HS6ST2: variants seen among roughly 807,000 people sequenced by gnomAD.
The protein encoded by HS6ST2 is heparan-sulfate 6-O-sulfotransferase 2.
A neutral mutation model predicts 33.0 loss-of-function variants in HS6ST2; 17 were observed. That is an observed-to-expected ratio of 0.52 (90% confidence interval 0.35 to 0.77). The LOEUF is 0.77. Among genes scored for constraint, HS6ST2 ranks in the 30% least tolerant of loss-of-function variants. HS6ST2 has a pLI of 0.01. For synonymous variants in HS6ST2, 248 were observed against 237.1 expected (o/e 1.05, Z -0.42); for missense variants, 519 against 551.7 (o/e 0.94, Z 0.59).
chrX:132,710,879 T>A (rs1419534558), intron 2 of HS6ST2, among the ~76,000 whole-genome samples: 2 of 110,779 alleles, frequency 1.8e-5, no homozygotes, highest in Admixed American at 9.6e-5. Context: ...CCCAACAGAG[T>A]CTTTCTCATT....
chrX:132,643,199 C>CT (rs373907912), intron 4 of HS6ST2, among the ~76,000 whole-genome samples: 193 of 106,219 alleles, frequency 1.8e-3, no homozygotes, highest in South Asian at 2.8e-3. Context: ...AGAATAGAAT[C>CT]TTTTTTTTTT....
At chrX:132,650,175 G>C (rs2063679327) in intron 4 of HS6ST2, among the ~76,000 whole-genome samples, 1 of 111,780 alleles carries the variant, frequency 8.9e-6, no homozygotes, top group Non-Finnish European at 1.9e-5. Context: ...TCCCCTAAGA[G>C]AAGTCCAGAA....
chrX:132,821,253 C>T (rs1045405427), intron 2 of HS6ST2, among the ~76,000 whole-genome samples: 6 of 101,280 alleles, frequency 5.9e-5, no homozygotes, highest in Non-Finnish European at 1.0e-4. Flanking sequence ...CTCTCTGTCG[C>T]CCAGGCTGGA....
intron 2 of HS6ST2, among the ~76,000 whole-genome samples, chrX:132,838,884 A>G (rs1048510033): frequency 9.2e-6 from 1 of 109,219 alleles, no homozygotes; most frequent in East Asian, 2.9e-4. Flanking sequence ...GCTCAAAATC[A>G]TTACTCATCA....
intron 3 of HS6ST2, among the ~76,000 whole-genome samples, chrX:132,691,395 G>A (rs963226728): frequency 2.7e-5 from 3 of 111,518 alleles, no homozygotes; most frequent in Non-Finnish European, 5.7e-5. Context: ...TCCCTTAACC[G>A]CTCTTGTCTG....
Position 132,628,479 on chromosome X carries a change from A to G in HS6ST2, c.1682T>C (p.Leu561Pro). The change falls in exon 5 of 5, where the codon CTG (leucine) becomes CCG (proline). Residue 561 changes from leucine to proline, a missense_variant. Leu to Pro is a moderately conservative substitution (Grantham distance 98). Transcript: ENST00000370833. ...ATGGGTCTGAAGGAGCCTTCCCTTC[A>G]GAAATTTGCGTTGTTCCTGACGCTT... ...RRKRQEQRKFLKGRLLQTHFQ... is the reference protein window; with the variant it reads ...RRKRQEQRKFPKGRLLQTHFQ... The G allele has an allele frequency of 8.3e-7, 1 of 1,211,094 alleles. No homozygotes were observed.
At chrX:132,752,366 G>T (rs1052486101) in intron 2 of HS6ST2, among the ~76,000 whole-genome samples, 1 of 109,017 alleles carries the variant, frequency 9.2e-6, no homozygotes, top group African/African-American at 3.4e-5. Context: ...CAACTACTTG[G>T]GTGACTGAAG....
intron 3 of HS6ST2, among the ~76,000 whole-genome samples, chrX:132,677,421 A>C (rs1163901544): frequency 1.8e-5 from 2 of 112,121 alleles, no homozygotes; most frequent in Non-Finnish European, 3.8e-5. Flanking sequence ...TGCACATTAC[A>C]TATTAACTTC....
intron 2 of HS6ST2, among the ~76,000 whole-genome samples, chrX:132,901,813 G>A (rs1196091355): frequency 9.0e-6 from 1 of 111,307 alleles, no homozygotes; most frequent in Non-Finnish European, 1.9e-5. Flanking sequence ...CAGTACACAG[G>A]ATCAAAGGCT....
chrX:132,824,847 T>G (rs1347020293), intron 2 of HS6ST2, among the ~76,000 whole-genome samples: 1 of 112,432 alleles, frequency 8.9e-6, no homozygotes, highest in Non-Finnish European at 1.9e-5. Context: ...GGACATCTGA[T>G]TTTATTGAAA....
In HS6ST2 at chrX:132,957,100, C is replaced by T. The variant is rs1343237295; in HGVS notation, c.655G>A (p.Val219Ile). 1.7e-6 allele frequency: 2 copies of T among 1,210,088 alleles called. No individual in the cohort carries two copies. Among genetic ancestry groups the T allele is most frequent in the African/African-American group, 3.5e-5 (2 of 57,207 alleles). The change falls in exon 2 of 5, where the codon GTA becomes ATA. Residue 219 changes from valine (V) to isoleucine (I), a missense_variant. Transcript: ENST00000370833. ...NFTRGDLLRKVDFDIKGDDLI... is the reference protein window; with the variant it reads ...NFTRGDLLRKIDFDIKGDDLI... ...TCATCGCCCTTGATGTCGAAGTCTA[C>T]CTTGCGCAGGAGGTCGCCGCGGGTG...
At chrX:132,919,003 A>G (rs776939653) in intron 2 of HS6ST2, among the ~76,000 whole-genome samples, 21 of 111,937 alleles carry the variant, frequency 1.9e-4, no homozygotes, top group Non-Finnish European at 3.6e-4. Flanking sequence ...TTACAAAATT[A>G]CCTTCCCAAT....
At chrX:132,920,029 G>A (rs1019811336) in intron 2 of HS6ST2, among the ~76,000 whole-genome samples, 10 of 111,739 alleles carry the variant, frequency 8.9e-5, no homozygotes, top group Middle Eastern at 4.6e-3. Flanking sequence ...TCTACCAAAT[G>A]TCAACAGAGC....
At chrX:132,868,995 A>ATC (rs2066024963) in intron 2 of HS6ST2, among the ~76,000 whole-genome samples, 1 of 104,339 alleles carries the variant, frequency 9.6e-6, no homozygotes, top group Non-Finnish European at 2.0e-5. Flanking sequence ...TCCAGGAGGT[A>ATC]TTTTTTTTTT....
At chrX:132,745,204 G>T (rs2064625718) in intron 2 of HS6ST2, among the ~76,000 whole-genome samples, 1 of 111,415 alleles carries the variant, frequency 9.0e-6, no homozygotes, top group Non-Finnish European at 1.9e-5. Context: ...TCCTGCCTCA[G>T]CCTCCTGAAT....
intron 2 of HS6ST2, among the ~76,000 whole-genome samples, chrX:132,729,738 AATGGATTAATACAT>A (rs757163293): frequency 1.8e-5 from 2 of 112,006 alleles, no homozygotes; most frequent in East Asian, 5.6e-4. Context: ...TGTTCTTTTA[AATGGATTAATACAT>A]ATTTTTGAAA....
chrX:132,793,048 CTTTTTTTTTTTTTTTTT>C (rs755535720), intron 2 of HS6ST2, among the ~76,000 whole-genome samples: 3 of 53,247 alleles, frequency 5.6e-5, no homozygotes, highest in African/African-American at 1.0e-4. Flanking sequence ...AAATAAACTC[CTTTTTTTTTTTTTTTTT>C]TTTTTTTTTT....
In HS6ST2 at chrX:132,715,082, AG is replaced by A. The variant is rs202244507; in HGVS notation, c.948-6589del. Among the ~76,000 whole-genome samples the A allele has an allele frequency of 2.1e-3, 233 of 111,902 alleles. 8 individuals carry two copies. The East Asian group carries it at 0.046, about 22-fold the overall frequency. Reference sequence around the variant, plus strand: ...ACAGCATAGAGTCACCTTCTACCCCAGGGTGCCTACCATATCTTGTTCGATT... The same window carrying A: ...ACAGCATAGAGTCACCTTCTACCCCAGGTGCCTACCATATCTTGTTCGATT... On this transcript the variant is annotated intron_variant, in intron 2 of 4. Coordinates refer to ENST00000370833, the MANE Select transcript of HS6ST2 (RefSeq NM_001394073.1).
At chrX:132,960,416 T>C (rs1008599424), upstream of HS6ST2, among the ~76,000 whole-genome samples, 1 of 111,134 alleles carries the variant, frequency 9.0e-6, no homozygotes, top group Non-Finnish European at 1.9e-5. Context: ...ATGGCATTCA[T>C]TGGGTCCCTA....
Sources: gnomAD v4.1 joint callset for allele counts (sites outside exome capture counted in the v4.1 genomes callset) on GRCh38, gnomAD v4.1.1 for gene constraint, MANE v1.5 for transcripts, NCBI Gene and HGNC (gene_info 2026-07-23, HGNC 2026-07-21) for gene names.